The following GRID2 variants were observed in gnomAD, a reference collection of about 807,000 sequenced individuals.
GRID2 encodes glutamate receptor ionotropic, delta-2.
In GRID2, 33 loss-of-function variants were observed where a neutral mutation model predicts 114.8. That is an observed-to-expected ratio of 0.29 (90% confidence interval 0.22 to 0.38). The LOEUF (loss-of-function observed/expected upper bound fraction) is 0.38. Among genes scored for constraint, GRID2 ranks in the 10% least tolerant of loss-of-function variants. GRID2 has a pLI of 1.00. For synonymous variants in GRID2, 505 were observed against 449.9 expected (o/e 1.12, Z -1.55); for missense variants, 1,184 against 1,257.7 (o/e 0.94, Z 0.89).
intron 11 of GRID2, among the ~76,000 whole-genome samples, chr4:93,484,016 A>AT (rs567989582): frequency 2.6e-4 from 40 of 151,558 alleles, no homozygotes; most frequent in Admixed American, 1.4e-3. Flanking sequence ...GAAAATGCAT[A>AT]TTTTTTTTCT....
At chr4:93,805,677 A>G (rs1189150945) in intron 1 of GRID2, among the ~76,000 whole-genome samples, 1 of 152,264 alleles carries the variant, frequency 6.6e-6, no homozygotes, top group Admixed American at 6.5e-5. Context: ...CTAAGTTAAG[A>G]TTCACAGTTT....
chr4:93,691,381 A>C (rs1485777505), intron 14 of GRID2, among the ~76,000 whole-genome samples: 1 of 152,056 alleles, frequency 6.6e-6, no homozygotes, highest in Non-Finnish European at 1.5e-5. Flanking sequence ...TAGACACAGA[A>C]GTTAAAAAAC....
intron 4 of GRID2, among the ~76,000 whole-genome samples, chr4:93,131,672 T>C (rs932419660): frequency 6.6e-6 from 1 of 152,058 alleles, no homozygotes; most frequent in African/African-American, 2.4e-5. Flanking sequence ...ATTTATGGGG[T>C]ACATATGGTA....
At chr4:92,899,596 TG>T (rs200453808) in intron 2 of GRID2, among the ~76,000 whole-genome samples, 5,363 of 152,298 alleles carry the variant, frequency 0.035, 132 homozygotes, top group Non-Finnish European at 0.053. Flanking sequence ...TTTGTTATTT[TG>T]TTTTATTCAT....
At chr4:93,572,683 C>G (rs1485335946) in intron 13 of GRID2, among the ~76,000 whole-genome samples, 1 of 151,976 alleles carries the variant, frequency 6.6e-6, no homozygotes, top group South Asian at 2.1e-4. Flanking sequence ...GCAAAGGAAA[C>G]TTGAAAATAG....
chr4:93,493,724 A>G (rs1727255304), intron 12 of GRID2, among the ~76,000 whole-genome samples: 1 of 151,726 alleles, frequency 6.6e-6, no homozygotes, highest in African/African-American at 2.4e-5. Flanking sequence ...AGCCTGTCTC[A>G]AATTTTTCAT....
intron 14 of GRID2, among the ~76,000 whole-genome samples, chr4:93,636,350 G>T (rs913799345): frequency 3.3e-5 from 5 of 151,934 alleles, no homozygotes; most frequent in African/African-American, 1.2e-4. Flanking sequence ...ATATAATCTA[G>T]GTGTTACTAA....
intron 2 of GRID2, among the ~76,000 whole-genome samples, chr4:93,052,115 G>A (rs1726776379): frequency 6.6e-6 from 1 of 151,826 alleles, no homozygotes; most frequent in African/African-American, 2.4e-5. Flanking sequence ...TATTTCTGGA[G>A]CTTTATTGTT....
chr4:93,423,619 C>T (rs1349961675), intron 10 of GRID2, among the ~76,000 whole-genome samples: 1 of 151,952 alleles, frequency 6.6e-6, no homozygotes, highest in African/African-American at 2.4e-5. Context: ...AAAACATTCA[C>T]TGCTTAGAAA....
chr4:93,616,522 G>A (rs373430323), intron 13 of GRID2, among the ~76,000 whole-genome samples: 26 of 146,426 alleles, frequency 1.8e-4, no homozygotes, highest in African/African-American at 6.0e-4. Flanking sequence ...TTACAGCCTG[G>A]GCAACAGAAT....
Position 93,008,599 on chromosome 4 carries a change from A to G in GRID2, c.245-76396A>G, listed in dbSNP as rs148248847. Among the ~76,000 whole-genome samples the G allele has an allele frequency of 3.6e-3, 545 of 151,778 alleles. 1 individual carries two copies. Among genetic ancestry groups the G allele is most frequent in the African/African-American group, 0.011 (474 of 41,382 alleles). On this transcript the variant is annotated intron_variant, in intron 2 of 15. Coordinates refer to ENST00000282020, the MANE Select transcript of GRID2 (RefSeq NM_001510.4). ...TTTTTGTTGTTGCTTGCGTGTTTTG[A>G]TGGAAGTGGTGTTTGTGTGTTTTGA...
At chr4:92,750,561 T>C (rs1285555155) in intron 2 of GRID2, among the ~76,000 whole-genome samples, 2 of 152,200 alleles carry the variant, frequency 1.3e-5, no homozygotes, top group Non-Finnish European at 2.9e-5. Flanking sequence ...AACAAGTATT[T>C]GTGATTCCAG....
At chr4:92,676,143 A>G (rs1733347240) in intron 2 of GRID2, among the ~76,000 whole-genome samples, 2 of 113,310 alleles carry the variant, frequency 1.8e-5, no homozygotes, top group South Asian at 2.8e-4. Context: ...GTTATGATGC[A>G]TTGTCGTGTC....
At chr4:92,738,456 C>T (rs1182597055) in intron 2 of GRID2, among the ~76,000 whole-genome samples, 1 of 151,968 alleles carries the variant, frequency 6.6e-6, no homozygotes, top group Non-Finnish European at 1.5e-5. Flanking sequence ...AATATCTCAT[C>T]TATTATGTGT....
At chr4:92,402,289 C>T (rs1730823321) in intron 1 of GRID2, among the ~76,000 whole-genome samples, 1 of 152,112 alleles carries the variant, frequency 6.6e-6, no homozygotes, top group Non-Finnish European at 1.5e-5. Context: ...GATCTGTGTA[C>T]TTTGACCTCC....
chr4:92,948,873 A>G (rs17020028), intron 2 of GRID2, among the ~76,000 whole-genome samples: 3,067 of 152,124 alleles, frequency 0.02, 45 homozygotes, highest in East Asian at 0.054. Context: ...AGGTGTATAT[A>G]TATCATTTGT....
intron 8 of GRID2, among the ~76,000 whole-genome samples, chr4:93,303,860 A>G (rs540208488): frequency 1.8e-4 from 27 of 152,252 alleles, no homozygotes; most frequent in African/African-American, 5.8e-4. Context: ...CACTCAAGCT[A>G]TGACAATTGA....
intron 13 of GRID2, among the ~76,000 whole-genome samples, chr4:93,617,918 T>G (rs773023369): frequency 6.6e-6 from 1 of 152,158 alleles, no homozygotes; most frequent in African/African-American, 2.4e-5. Flanking sequence ...GCCATATCCA[T>G]CTGCTACAAA....
chr4:92,517,549 C>A (rs1724557035), intron 1 of GRID2, among the ~76,000 whole-genome samples: 1 of 151,664 alleles, frequency 6.6e-6, no homozygotes, highest in African/African-American at 2.4e-5. Flanking sequence ...CTATATTGGC[C>A]TCATATCTTC....
Sources: gnomAD v4.1 joint callset for allele counts (sites outside exome capture counted in the v4.1 genomes callset) on GRCh38, gnomAD v4.1.1 for gene constraint, MANE v1.5 for transcripts, NCBI Gene and HGNC (gene_info 2026-07-23, HGNC 2026-07-21) for gene names.